Variants in PRSS3 observed in about 807,000 individuals in gnomAD.
PRSS3 encodes serine protease 3, also known as trypsin-3.
A neutral mutation model predicts 20.8 loss-of-function variants in PRSS3; 14 were observed. That is an observed-to-expected ratio of 0.67 (90% CI 0.44 to 1.05). PRSS3 has a LOEUF of 1.05. Ranked by LOEUF, PRSS3 falls within the 50% of genes least tolerant of loss-of-function variation. PRSS3 has a pLI of 0.00. For missense variants in PRSS3, 237 were observed against 306.4 expected, an observed-to-expected ratio of 0.77 and a Z score of 1.69; for synonymous variants, 91 against 117.6, an observed-to-expected ratio of 0.77 and a Z score of 1.46.
chr9:33,789,067 T>C (rs1279297064), intron 1 of PRSS3, among the ~76,000 whole-genome samples: 2 of 152,212 alleles, frequency 1.3e-5, no homozygotes, highest in African/African-American at 4.8e-5. Context: ...ATTTTAAAAC[T>C]ATTTTCTTTT....
intron 1 of PRSS3, among the ~76,000 whole-genome samples, chr9:33,777,956 A>C (rs1445259890): frequency 6.6e-6 from 1 of 152,142 alleles, no homozygotes; most frequent in Non-Finnish European, 1.5e-5. Context: ...GGTATAGCAA[A>C]AAGCCAATAA....
chr9:33,763,471 A>G (rs1248751784), intron 1 of PRSS3, among the ~76,000 whole-genome samples: 2 of 152,076 alleles, frequency 1.3e-5, no homozygotes, highest in Admixed American at 6.6e-5. Context: ...AGGCCGAGGC[A>G]GGCGGATCAC....
intron 1 of PRSS3, among the ~76,000 whole-genome samples, chr9:33,778,816 A>G (rs1297373187): frequency 1.3e-5 from 2 of 152,142 alleles, no homozygotes; most frequent in African/African-American, 4.8e-5. Context: ...TCCTAGGAGC[A>G]AACCTTGTGA....
chr9:33,761,123 C>T (rs552593344), intron 1 of PRSS3, among the ~76,000 whole-genome samples: 2 of 152,314 alleles, frequency 1.3e-5, no homozygotes, highest in South Asian at 2.1e-4. Context: ...ACGACAGGGA[C>T]ATGTTCTGAG....
upstream of PRSS3, among the ~76,000 whole-genome samples, chr9:33,792,589 A>G (rs1291985944): frequency 6.6e-6 from 1 of 152,268 alleles, no homozygotes; most frequent in Non-Finnish European, 1.5e-5. Context: ...AGAATGCCCT[A>G]TGGCAGAGCA....
chr9:33,795,233 A>G (rs1242637602), upstream of PRSS3, among the ~76,000 whole-genome samples: 1 of 152,062 alleles, frequency 6.6e-6, no homozygotes, highest in Non-Finnish European at 1.5e-5. Context: ...CACCCAGGCC[A>G]TTCTCCCTCC....
chr9:33,773,712 C>T (rs561297932), intron 1 of PRSS3, among the ~76,000 whole-genome samples: 30 of 152,344 alleles, frequency 2.0e-4, no homozygotes, highest in African/African-American at 6.0e-4. Context: ...GGTGCGATCA[C>T]GGCTCACTGC....
upstream of PRSS3, chr9:33,794,749 G>A (rs531931230): frequency 4.8e-5 from 74 of 1,544,248 alleles, no homozygotes; most frequent in Admixed American, 4.8e-4. Flanking sequence ...AGTGCAGGTT[G>A]CCAGGACAAC....
chr9:33,756,078 T>C (rs1401607307), intron 1 of PRSS3, among the ~76,000 whole-genome samples: 15 of 152,224 alleles, frequency 9.9e-5, no homozygotes, highest in Admixed American at 9.8e-4. Flanking sequence ...GTGTCTAAGA[T>C]TCAGGCCCCA....
chr9:33,777,592 A>T (rs1214993012), intron 1 of PRSS3, among the ~76,000 whole-genome samples: 2 of 149,188 alleles, frequency 1.3e-5, no homozygotes, highest in Non-Finnish European at 3.0e-5. Flanking sequence ...AGTCCCAGCT[A>T]CTCTACTCGG....
At chr9:33,796,601 C>T (rs1824954878) in intron 1 of PRSS3, 42 bp from the exon 2 acceptor site, 1 of 1,611,328 alleles carries the variant, frequency 6.2e-7, no homozygotes, top group Non-Finnish European at 8.5e-7. Flanking sequence ...CCACCCCTAA[C>T]ATGCTACTGA....
At chr9:33,774,601 G>T (rs1427347199) in intron 1 of PRSS3, among the ~76,000 whole-genome samples, 1 of 152,154 alleles carries the variant, frequency 6.6e-6, no homozygotes, top group African/African-American at 2.4e-5. Context: ...CCTTTGCCTA[G>T]GAAAATGAAG....
chr9:33,795,034 C>T (rs1164109307), upstream of PRSS3, among the ~76,000 whole-genome samples: 2 of 140,178 alleles, frequency 1.4e-5, no homozygotes. Context: ...TACCCAAAGT[C>T]TTGGATTTGA....
intron 1 of PRSS3, among the ~76,000 whole-genome samples, chr9:33,778,830 G>T (rs1475848553): frequency 1.3e-5 from 2 of 151,940 alleles, no homozygotes; most frequent in Non-Finnish European, 1.5e-5. Flanking sequence ...CTTGTGAGGG[G>T]GCCATCTCTC....
At chr9:33,777,531 C>CA (rs74180503) in intron 1 of PRSS3, among the ~76,000 whole-genome samples, 22,684 of 101,780 alleles carry the variant, frequency 0.22, 2,632 homozygotes, top group South Asian at 0.37. Context: ...CTAAAAATAC[C>CA]AAAAAAAAAA....
chr9:33,792,804 T>C (rs1284488961), upstream of PRSS3, among the ~76,000 whole-genome samples: 1 of 152,240 alleles, frequency 6.6e-6, no homozygotes, highest in Non-Finnish European at 1.5e-5. Context: ...TGGTATATAG[T>C]AAGCACACAG....
upstream of PRSS3, among the ~76,000 whole-genome samples, chr9:33,790,668 G>A (rs1370829852): frequency 1.3e-5 from 2 of 152,092 alleles, no homozygotes; most frequent in Non-Finnish European, 2.9e-5. Flanking sequence ...TACTGAAAGC[G>A]ATGTATGTGC....
chr9:33,754,645 C>T (rs1587366134), intron 1 of PRSS3, among the ~76,000 whole-genome samples: 1 of 151,896 alleles, frequency 6.6e-6, no homozygotes, highest in East Asian at 2.0e-4. Context: ...GCCTGGCCAA[C>T]ATGGTGAAAC....
chr9:33,785,132 A>C (rs1824335999), intron 1 of PRSS3, among the ~76,000 whole-genome samples: 1 of 150,262 alleles, frequency 6.7e-6, no homozygotes, highest in Non-Finnish European at 1.5e-5. Context: ...CAGCTTGATA[A>C]TGGAAAAAGA....
Sources: gnomAD v4.1 joint callset for allele counts (sites outside exome capture counted in the v4.1 genomes callset) on GRCh38, gnomAD v4.1.1 for gene constraint, MANE v1.5 for transcripts, NCBI Gene and HGNC (gene_info 2026-07-23, HGNC 2026-07-21) for gene names.